SPOCK1: variants seen among roughly 807,000 people sequenced by gnomAD.
The protein encoded by SPOCK1 is SPARC (osteonectin), cwcv and kazal like domains proteoglycan 1.
SPOCK1 carries 23 observed loss-of-function variants against 55.3 expected under a neutral mutation model. The observed-to-expected ratio is 0.42, with a 90% CI of 0.30 to 0.59. SPOCK1 has a LOEUF of 0.59. SPOCK1 is among the 20% of genes least tolerant of loss of function. SPOCK1 has a pLI of 0.22. For missense variants in SPOCK1, 499 were observed against 552.5 expected (o/e 0.90, Z 0.97); for synonymous variants, 226 against 221.0 (o/e 1.02, Z -0.20).
At chr5:137,354,214 C>T (rs774272778) in intron 2 of SPOCK1, among the ~76,000 whole-genome samples, 25 of 152,194 alleles carry the variant, frequency 1.6e-4, no homozygotes, top group African/African-American at 3.6e-4. Flanking sequence ...AAGCACCAAT[C>T]GCTGCTCCTG....
intron 2 of SPOCK1, among the ~76,000 whole-genome samples, chr5:137,323,617 C>G (rs903571169): frequency 6.6e-6 from 1 of 151,440 alleles, no homozygotes; most frequent in African/African-American, 2.4e-5. Context: ...ATATCAAGAA[C>G]TCAAATAACA....
intron 3 of SPOCK1, among the ~76,000 whole-genome samples, chr5:137,228,637 TCAAAA>T (rs1755993209): frequency 1.3e-5 from 2 of 152,042 alleles, no homozygotes; most frequent in Admixed American, 1.3e-4. Flanking sequence ...AGAATCTGTC[TCAAAA>T]CAAAAATAAA....
At chr5:137,306,709 C>CTT (rs70979533) in intron 2 of SPOCK1, among the ~76,000 whole-genome samples, 28 of 149,702 alleles carry the variant, frequency 1.9e-4, no homozygotes, top group South Asian at 4.2e-4. Flanking sequence ...AATCTGTTTT[C>CTT]TTTTTTTTTT....
intron 3 of SPOCK1, among the ~76,000 whole-genome samples, chr5:137,228,751 C>T (rs757940085): frequency 2.0e-5 from 3 of 152,140 alleles, no homozygotes; most frequent in Non-Finnish European, 4.4e-5. Flanking sequence ...TTTTAAAAAT[C>T]ACCTCCAAGA....
At chr5:137,470,480 C>G (rs1393149627) in intron 2 of SPOCK1, among the ~76,000 whole-genome samples, 1 of 152,072 alleles carries the variant, frequency 6.6e-6, no homozygotes, top group Admixed American at 6.6e-5. Context: ...AAGTCCAAAC[C>G]CAGACAGAGG....
chr5:137,144,593 G>A (rs964966449), intron 3 of SPOCK1, among the ~76,000 whole-genome samples: 1 of 152,300 alleles, frequency 6.6e-6, no homozygotes, highest in Admixed American at 6.5e-5. Context: ...GATTGAAAGG[G>A]GATGAGGAGT....
chr5:137,301,757 A>G lies in SPOCK1; in HGVS notation c.187-34702T>C, dbSNP rs149382864. On this transcript the variant is annotated intron_variant, in intron 2 of 10. Transcript: ENST00000394945. ...TTGGCAAGGTGATTCCATGCCTTACAAAATTTCCTGTACACAAGCAGAGAC... is the reference window on the plus strand; with the variant it reads ...TTGGCAAGGTGATTCCATGCCTTACGAAATTTCCTGTACACAAGCAGAGAC... Among the ~76,000 whole-genome samples, 544 of 151,650 alleles carry G rather than the reference A, an allele frequency of 3.6e-3. 3 individuals are homozygous for G. The highest frequency in any genetic ancestry group is 0.013 in the African/African-American group (518 of 41,304).
chr5:137,309,122 G>T (rs1757748302), intron 2 of SPOCK1, among the ~76,000 whole-genome samples: 1 of 152,140 alleles, frequency 6.6e-6, no homozygotes, highest in African/African-American at 2.4e-5. Flanking sequence ...TTGCATTTTG[G>T]GGAAAAAGTC....
At chr5:137,236,937 C>A (rs183305603) in intron 3 of SPOCK1, among the ~76,000 whole-genome samples, 2 of 152,294 alleles carry the variant, frequency 1.3e-5, no homozygotes, top group Admixed American at 1.3e-4. Flanking sequence ...CAACCAATAC[C>A]ATTCAGATCT....
Position 137,078,493 on chromosome 5 carries a change from G to T in SPOCK1, c.475-10664C>A, listed in dbSNP as rs149238585. Among the ~76,000 whole-genome samples, 3 of 152,254 alleles carry T rather than the reference G, an allele frequency of 2.0e-5. No individual in the cohort carries two copies. The Middle Eastern group carries it at 0.01, about 518-fold the overall frequency. ...GACTCACACCTCTCCAGCTGTGATG[G>T]TGGGTAGGGAGAAACTCTCTGCCCA... On this transcript the variant is annotated intron_variant, in intron 5 of 10. Transcript: ENST00000394945.
chr5:137,453,718 C>T (rs1753306230), intron 2 of SPOCK1, among the ~76,000 whole-genome samples: 1 of 152,178 alleles, frequency 6.6e-6, no homozygotes, highest in South Asian at 2.1e-4. Flanking sequence ...CATATTACCA[C>T]TGCCCCATAG....
chr5:137,189,413 C>T (rs1472051458), intron 3 of SPOCK1, among the ~76,000 whole-genome samples: 2 of 152,154 alleles, frequency 1.3e-5, no homozygotes, highest in African/African-American at 4.8e-5. Flanking sequence ...AATCATAGGG[C>T]CTTTAGGAAT....
At chr5:136,997,407 C>T (rs1051855778) in intron 6 of SPOCK1, among the ~76,000 whole-genome samples, 12 of 152,136 alleles carry the variant, frequency 7.9e-5, no homozygotes, top group Admixed American at 2.6e-4. Flanking sequence ...CTCCCTCCCC[C>T]GCCATGTTCC....
At chr5:137,190,016 A>C (rs1755148157) in intron 3 of SPOCK1, among the ~76,000 whole-genome samples, 1 of 151,380 alleles carries the variant, frequency 6.6e-6, no homozygotes, top group East Asian at 1.9e-4. Flanking sequence ...AATTACTATA[A>C]TTTCTTAATA....
chr5:137,274,962 G>C (rs1301900690), intron 2 of SPOCK1, among the ~76,000 whole-genome samples: 2 of 152,126 alleles, frequency 1.3e-5, no homozygotes, highest in African/African-American at 4.8e-5. Flanking sequence ...ACCACTGAAA[G>C]GTATTACCTA....
intron 2 of SPOCK1, among the ~76,000 whole-genome samples, chr5:137,475,568 C>CTTTA (rs34929130): frequency 0.19 from 27,804 of 150,032 alleles, 2,696 homozygotes; most frequent in Admixed American, 0.25. Flanking sequence ...CCTAAAGTAT[C>CTTTA]TTTATTTATT....
At chr5:137,195,312 G>A (rs1038937799) in intron 3 of SPOCK1, among the ~76,000 whole-genome samples, 25 of 152,192 alleles carry the variant, frequency 1.6e-4, no homozygotes, top group African/African-American at 5.5e-4. Context: ...CTTCCAGGAA[G>A]GCCTCTCTCA....
At chr5:137,193,502 C>A (rs541670473) in intron 3 of SPOCK1, among the ~76,000 whole-genome samples, 11 of 152,304 alleles carry the variant, frequency 7.2e-5, no homozygotes, top group African/African-American at 2.4e-4. Context: ...GAACCAACCA[C>A]CCCCAGCACC....
At chr5:137,260,894 C>T (rs922367421) in intron 3 of SPOCK1, among the ~76,000 whole-genome samples, 1 of 152,090 alleles carries the variant, frequency 6.6e-6, no homozygotes, top group African/African-American at 2.4e-5. Flanking sequence ...GCCGAGTGTG[C>T]GTGTCTGGGG....
Sources: gnomAD v4.1 joint callset for allele counts (sites outside exome capture counted in the v4.1 genomes callset) on GRCh38, gnomAD v4.1.1 for gene constraint, MANE v1.5 for transcripts, NCBI Gene and HGNC (gene_info 2026-07-23, HGNC 2026-07-21) for gene names.